Variants in NLGN4X observed in about 807,000 individuals in gnomAD.
NLGN4X encodes the protein neuroligin-4, X-linked.
A neutral mutation model predicts 40.3 loss-of-function variants in NLGN4X; 3 were observed. The ratio of observed to expected loss-of-function variants is 0.07; its 90% CI spans 0.03 to 0.19. The LOEUF (loss-of-function observed/expected upper bound fraction) is 0.19, where lower values mean the gene tolerates loss of function less well. Ranked by LOEUF, NLGN4X falls within the 10% of genes least tolerant of loss-of-function variation. The probability of loss-of-function intolerance (pLI) is 1.00; values close to 1 mark genes in which losing one functional copy is unlikely to be tolerated. For missense variants in NLGN4X, 382 were observed against 708.3 expected (o/e 0.54, Z 5.23); for synonymous variants, 270 against 306.8 (o/e 0.88, Z 1.25).
rs775423484 is a variant in NLGN4X, at chrX:5,922,794, A to G, written c.626-13555T>C. On this transcript the variant is annotated intron_variant, in intron 3 of 5. Coordinates refer to ENST00000381095, the MANE Select transcript of NLGN4X (RefSeq NM_181332.3). ...AGGAGAATCGCTTGAACCTGGGAGG[A>G]GGAGGTTGCAGTGAGCCGAGATCAT... Among the ~76,000 whole-genome samples the G allele has an allele frequency of 8.1e-5, 9 of 110,710 alleles. No homozygotes were observed. In the East Asian group the frequency reaches 2.3e-3, roughly 28 times the overall value.
chrX:5,988,239 G>C (rs138896889), intron 3 of NLGN4X, among the ~76,000 whole-genome samples: 1 of 111,787 alleles, frequency 8.9e-6, no homozygotes. Context: ...CCATTGATCC[G>C]TCCATCACAG....
chrX:5,984,579 C>T (rs940156098), intron 3 of NLGN4X, among the ~76,000 whole-genome samples: 11 of 111,247 alleles, frequency 9.9e-5, no homozygotes, highest in African/African-American at 2.9e-4. Flanking sequence ...CACAGTGAAA[C>T]GGCAGAAACT....
rs985294427 is a variant in NLGN4X at position 5,954,152 on chromosome X, A to C, written c.626-44913T>G. Among the ~76,000 whole-genome samples, 3 of 111,465 alleles carry C rather than the reference A, an allele frequency of 2.7e-5. No individual in the cohort carries two copies. The Admixed American group carries it at 2.9e-4, about 11-fold the overall frequency. On this transcript the variant is annotated intron_variant, in intron 3 of 5. Transcript: ENST00000381095. ...TCAATTATCTGAGAAATTTAGGAGA[A>C]AAACAATCAAGTTTTGGAAGGTTGC...
intron 1 of NLGN4X, among the ~76,000 whole-genome samples, chrX:6,200,687 C>CTTTTTTTTTTTTTTTTTTTT (rs767226691): frequency 1.8e-5 from 1 of 55,577 alleles, no homozygotes; most frequent in Non-Finnish European, 3.1e-5. Flanking sequence ...CTTTCCTTTT[C>CTTTTTTTTTTTTTTTTTTTT]TTTTTTTTTT....
chrX:6,109,241 G>A (rs1170163237), intron 2 of NLGN4X, among the ~76,000 whole-genome samples: 1 of 111,670 alleles, frequency 9.0e-6, no homozygotes, highest in Admixed American at 9.5e-5. Flanking sequence ...ACTCCAGCCT[G>A]GGTTGATAGA....
intron 3 of NLGN4X, among the ~76,000 whole-genome samples, chrX:5,944,804 T>C (rs1314030271): frequency 9.0e-6 from 1 of 111,475 alleles, no homozygotes; most frequent in East Asian, 2.8e-4. Context: ...TAATAGCAAA[T>C]AGCATGGAAA....
chrX:6,042,483 G>C (rs1214947041), intron 2 of NLGN4X, among the ~76,000 whole-genome samples: 1 of 105,742 alleles, frequency 9.5e-6, no homozygotes, highest in African/African-American at 3.4e-5. Context: ...TCAGCTGATA[G>C]ACAATATTAT....
intron 1 of NLGN4X, among the ~76,000 whole-genome samples, chrX:6,161,849 G>C (rs781296604): frequency 1.3e-4 from 14 of 110,854 alleles, no homozygotes; most frequent in African/African-American, 4.6e-4. Context: ...GGTTTAAAGA[G>C]ATTTATATAG....
chrX:5,919,405 T>C (rs1205955713), intron 3 of NLGN4X, among the ~76,000 whole-genome samples: 1 of 111,701 alleles, frequency 9.0e-6, no homozygotes, highest in African/African-American at 3.3e-5. Flanking sequence ...ATCACGTCAG[T>C]CAAGTCCGTG....
At chrX:6,104,617 A>C (rs5915646) in intron 2 of NLGN4X, among the ~76,000 whole-genome samples, 9 of 109,556 alleles carry the variant, frequency 8.2e-5, no homozygotes, top group African/African-American at 3.0e-4. Context: ...TATTCTCACA[A>C]GAGTGCCTTC....
intron 3 of NLGN4X, among the ~76,000 whole-genome samples, chrX:6,017,056 A>T (rs913047658): frequency 8.1e-5 from 9 of 111,579 alleles, no homozygotes; most frequent in African/African-American, 2.9e-4. Flanking sequence ...TGTTGTGCAT[A>T]TACTAAAGGC....
At chrX:6,227,411 C>G (rs766865808) in intron 1 of NLGN4X, among the ~76,000 whole-genome samples, 10 of 109,115 alleles carry the variant, frequency 9.2e-5, no homozygotes, top group Non-Finnish European at 1.5e-4. Flanking sequence ...GAGACCCAGA[C>G]CAGGGCTCCG....
chrX:6,209,821 A>G (rs1924401485), intron 1 of NLGN4X, among the ~76,000 whole-genome samples: 1 of 111,869 alleles, frequency 8.9e-6, no homozygotes, highest in Non-Finnish European at 1.9e-5. Context: ...CTATAACTGT[A>G]TAGATTAGAT....
At chrX:6,106,877 A>G (rs888036463) in intron 2 of NLGN4X, among the ~76,000 whole-genome samples, 1 of 112,173 alleles carries the variant, frequency 8.9e-6, no homozygotes, top group African/African-American at 3.2e-5. Flanking sequence ...CTTTCCAGGG[A>G]ATCCCTACAA....
At chrX:5,997,247 T>C (rs980890284) in intron 3 of NLGN4X, among the ~76,000 whole-genome samples, 2 of 106,810 alleles carry the variant, frequency 1.9e-5, no homozygotes, top group Non-Finnish European at 3.8e-5. Context: ...TACAAACATA[T>C]ATATGAAGAG....
chrX:6,046,654 T>C (rs1456919112), intron 2 of NLGN4X, among the ~76,000 whole-genome samples: 1 of 111,076 alleles, frequency 9.0e-6, no homozygotes, highest in Non-Finnish European at 1.9e-5. Flanking sequence ...TTTTGCTGCA[T>C]ATATATATGC....
chrX:5,964,530 A>G (rs764651513), intron 3 of NLGN4X, among the ~76,000 whole-genome samples: 1 of 112,069 alleles, frequency 8.9e-6, no homozygotes, highest in Non-Finnish European at 1.9e-5. Flanking sequence ...TTTCTGAAAC[A>G]TGGTCTCACT....
intron 3 of NLGN4X, among the ~76,000 whole-genome samples, chrX:5,948,542 G>A (rs5961387): frequency 4.5e-5 from 5 of 110,788 alleles, no homozygotes; most frequent in East Asian, 2.8e-4. Flanking sequence ...GTTACTTCTC[G>A]TCCTGTAAGG....
At chrX:5,960,362 G>A (rs756503759) in intron 3 of NLGN4X, among the ~76,000 whole-genome samples, 3 of 110,538 alleles carry the variant, frequency 2.7e-5, no homozygotes, top group South Asian at 3.8e-4. Context: ...GAAAGAGCTG[G>A]AGAAAATACA....
Sources: gnomAD v4.1 joint callset for allele counts (sites outside exome capture counted in the v4.1 genomes callset) on GRCh38, gnomAD v4.1.1 for gene constraint, MANE v1.5 for transcripts, NCBI Gene and HGNC (gene_info 2026-07-23, HGNC 2026-07-21) for gene names.